The following ADGRL3 variants were observed in gnomAD, a reference collection of about 807,000 sequenced individuals.
ADGRL3 encodes the protein calcium-independent alpha-latrotoxin receptor 3.
Under a neutral mutation model 153.5 loss-of-function variants are expected in ADGRL3, and 62 were observed. The ratio of observed to expected loss-of-function variants is 0.40; its 90% confidence interval spans 0.33 to 0.50. ADGRL3 has a LOEUF of 0.50. ADGRL3 is among the 20% of genes least tolerant of loss of function. The probability of loss-of-function intolerance (pLI) is 0.47; values close to 1 mark genes in which losing one functional copy is unlikely to be tolerated. For synonymous variants in ADGRL3, 710 were observed against 672.5 expected (o/e 1.06, Z -0.86); for missense variants, 1,641 against 1,859.4 (o/e 0.88, Z 2.16).
intron 6 of ADGRL3, among the ~76,000 whole-genome samples, chr4:61,712,164 C>T (rs542084144): frequency 1.1e-4 from 16 of 152,048 alleles, no homozygotes; most frequent in Admixed American, 3.9e-4. Flanking sequence ...GAAGCTGCCA[C>T]GAGAGGATCA....
At chr4:61,210,214 G>A (rs1739272147) in intron 1 of ADGRL3, among the ~76,000 whole-genome samples, 1 of 152,146 alleles carries the variant, frequency 6.6e-6, no homozygotes, top group Admixed American at 6.5e-5. Flanking sequence ...CTGCACATTG[G>A]ACTGGACAAC....
intron 21 of ADGRL3, among the ~76,000 whole-genome samples, chr4:62,005,288 G>T (rs2099153642): frequency 6.6e-6 from 1 of 152,012 alleles, no homozygotes; most frequent in South Asian, 2.1e-4. Context: ...TCTTTAAAAT[G>T]CATTAAATTT....
At chr4:61,818,702 C>T (rs944881365) in intron 9 of ADGRL3, among the ~76,000 whole-genome samples, 4 of 152,066 alleles carry the variant, frequency 2.6e-5, no homozygotes, top group African/African-American at 9.7e-5. Flanking sequence ...TCAAATTGTG[C>T]TCTCTACCTT....
At chr4:61,638,704 A>G (rs2093536329) in intron 5 of ADGRL3, among the ~76,000 whole-genome samples, 1 of 152,164 alleles carries the variant, frequency 6.6e-6, no homozygotes, top group South Asian at 2.1e-4. Flanking sequence ...TTAGGCTTCA[A>G]AATTACTCTA....
chr4:61,316,371 T>C (rs1490035510), intron 1 of ADGRL3, among the ~76,000 whole-genome samples: 1 of 152,178 alleles, frequency 6.6e-6, no homozygotes, highest in African/African-American at 2.4e-5. Context: ...AGGCAGGGTC[T>C]AAATTAGGTG....
intron 6 of ADGRL3, among the ~76,000 whole-genome samples, chr4:61,725,296 G>A (rs9997427): frequency 0.7 from 105,805 of 152,052 alleles, 37,649 homozygotes; most frequent in East Asian, 0.93. Flanking sequence ...AAAAGTTGGG[G>A]TAATGAGAAT....
chr4:61,518,186 A>C (rs573426602), intron 4 of ADGRL3, among the ~76,000 whole-genome samples: 1 of 152,162 alleles, frequency 6.6e-6, no homozygotes, highest in Non-Finnish European at 1.5e-5. Flanking sequence ...TTTTTTATTT[A>C]CATAATATTT....
At chr4:61,388,827 G>A (rs2096770669) in intron 2 of ADGRL3, among the ~76,000 whole-genome samples, 1 of 152,076 alleles carries the variant, frequency 6.6e-6, no homozygotes, top group Non-Finnish European at 1.5e-5. Context: ...TATTCATGTG[G>A]CTTGTTTCCT....
chr4:61,511,961 C>G (rs1275918468), intron 3 of ADGRL3, among the ~76,000 whole-genome samples: 1 of 152,022 alleles, frequency 6.6e-6, no homozygotes, highest in Non-Finnish European at 1.5e-5. Flanking sequence ...AGGGAGAAAT[C>G]AAGAAAGATA....
At chr4:62,028,793 A>C in intron 21 of ADGRL3, 62 bp from the exon 22 acceptor site, 1 of 1,406,776 alleles carries the variant, frequency 7.1e-7, no homozygotes, top group South Asian at 1.2e-5. Context: ...TTTTCATATG[A>C]AATTCTTTGT....
chr4:61,796,933 A>G (rs546233849), intron 8 of ADGRL3, among the ~76,000 whole-genome samples: 6 of 152,322 alleles, frequency 3.9e-5, no homozygotes, highest in African/African-American at 1.2e-4. Context: ...TAATTGAACC[A>G]TGTGATTTTG....
At chr4:61,618,949 G>A (rs549930984) in intron 5 of ADGRL3, among the ~76,000 whole-genome samples, 90 of 152,198 alleles carry the variant, frequency 5.9e-4, no homozygotes, top group Admixed American at 7.2e-4. Context: ...ACTCCTGAAC[G>A]CAAACCGTCT....
chr4:61,402,990 C>CA lies in ADGRL3; in HGVS notation c.-174+19801_-174+19802insA, dbSNP rs570300683. ...CCCATTTCAAGGTGCCAGTTTCCAG[C>CA]GTAGGCCCTCATCCTGGCTTGTACA... On this transcript the variant is annotated intron_variant, in intron 2 of 26. Transcript: ENST00000683033. Among the ~76,000 whole-genome samples, 21 of 152,018 alleles carry CA rather than the reference C, an allele frequency of 1.4e-4. No individual in the cohort carries two copies. In the South Asian group the frequency reaches 3.5e-3, roughly 26 times the overall value.
In ADGRL3 at chr4:61,998,188, C is replaced by T. The variant is rs747918084; in HGVS notation, c.3318C>T (p.Phe1106=). ...ATLIIMLNVI[F]LGIALYKMFH... ...TTGCATTCCAGCTTAATGTAATCTT[C>T]CTTGGGATTGCTTTATATAAAATGT... is the stretch of plus-strand genomic sequence containing the variant. The change falls in exon 21 of 27, where the codon TTC becomes TTT. Residue 1106 remains phenylalanine (F), a synonymous_variant. Coordinates refer to ENST00000683033, the MANE Select transcript of ADGRL3 (RefSeq NM_001387552.1). 9 of 1,571,808 alleles carry T rather than the reference C, an allele frequency of 5.7e-6. No homozygotes were observed. In the South Asian group the frequency reaches 1.1e-4, roughly 18 times the overall value.
chr4:61,729,530 T>C (rs919342786), intron 6 of ADGRL3, among the ~76,000 whole-genome samples: 1 of 151,966 alleles, frequency 6.6e-6, no homozygotes, highest in Middle Eastern at 3.2e-3. Context: ...CATTTTAAAT[T>C]TATTTATTGT....
intron 4 of ADGRL3, among the ~76,000 whole-genome samples, chr4:61,528,249 T>A (rs2098586081): frequency 6.6e-6 from 1 of 152,104 alleles, no homozygotes; most frequent in Non-Finnish European, 1.5e-5. Flanking sequence ...AAGCCATCAG[T>A]GTTAGTGATT....
intron 5 of ADGRL3, among the ~76,000 whole-genome samples, chr4:61,617,170 G>T (rs781621403): frequency 6.6e-6 from 1 of 152,086 alleles, no homozygotes; most frequent in Non-Finnish European, 1.5e-5. Context: ...AATTCAGGTG[G>T]TCTGCATTGT....
rs553554349 is a variant in ADGRL3 at position 61,272,795 on chromosome 4, T to C, written c.-240+71030T>C. Reference sequence around the variant, plus strand: ...TAAAGTAAAACTTACTGAGGGTTTGTGTAATCAAATGCCTATCAAAATACT... The same window carrying C: ...TAAAGTAAAACTTACTGAGGGTTTGCGTAATCAAATGCCTATCAAAATACT... On this transcript the variant is annotated intron_variant, in intron 1 of 26. Coordinates refer to ENST00000683033, the MANE Select transcript of ADGRL3 (RefSeq NM_001387552.1). 2.6e-5 allele frequency among the ~76,000 whole-genome samples: 4 copies of C among 152,308 alleles called. No homozygotes were observed. The South Asian group carries it at 8.3e-4, about 32-fold the overall frequency.
rs896157204 is a variant in ADGRL3, at chr4:62,077,360, T to C, written c.*6452T>C. 6.6e-6 allele frequency: 1 copy of C among 152,016 alleles called. No individual in the cohort carries two copies. The highest frequency in any genetic ancestry group is 2.4e-5 in the African/African-American group (1 of 41,440). The allele number at this position is 152,016 out of a possible 1,614,324, so 9.4% of individuals were successfully genotyped here. The stretch of plus-strand genomic sequence containing the variant: ...CTTAAAGGAGTTAAGTTTGTCTCAA[T>C]GATCCAAGACTACAAAATTTCTTGC... On this transcript the variant is annotated 3_prime_UTR_variant, in exon 27 of 27. Coordinates refer to ENST00000683033, the MANE Select transcript of ADGRL3 (RefSeq NM_001387552.1).
Sources: gnomAD v4.1 joint callset for allele counts (sites outside exome capture counted in the v4.1 genomes callset) on GRCh38, gnomAD v4.1.1 for gene constraint, MANE v1.5 for transcripts, NCBI Gene and HGNC (gene_info 2026-07-23, HGNC 2026-07-21) for gene names.